The following TSHZ3 variants were observed in gnomAD, a reference collection of about 807,000 sequenced individuals.
TSHZ3 encodes teashirt homolog 3.
In TSHZ3, 10 loss-of-function variants were observed where a neutral mutation model predicts 64.5. The ratio of observed to expected loss-of-function variants is 0.16; its 90% CI spans 0.10 to 0.26. TSHZ3 has a LOEUF of 0.26. Among genes scored for constraint, TSHZ3 ranks in the 10% least tolerant of loss-of-function variants. TSHZ3 has a pLI of 1.00. For synonymous variants in TSHZ3, 608 were observed against 593.1 expected, an observed-to-expected ratio of 1.03 and a Z score of -0.36; for missense variants, 1,242 against 1,421.7, an observed-to-expected ratio of 0.87 and a Z score of 2.03.
At chr19:31,334,327 A>G (rs1917180379) in intron 1 of TSHZ3, among the ~76,000 whole-genome samples, 1 of 152,222 alleles carries the variant, frequency 6.6e-6, no homozygotes, top group Non-Finnish European at 1.5e-5. Flanking sequence ...AAGGCAAGAA[A>G]TGGAATGGGA....
intron 5 of TSHZ3, among the ~76,000 whole-genome samples, chr19:31,199,180 C>T (rs1052194422): frequency 4.6e-5 from 7 of 151,998 alleles, no homozygotes; most frequent in African/African-American, 1.4e-4. Flanking sequence ...CCGAGGCAGG[C>T]GGATCACAAG....
intron 4 of TSHZ3, among the ~76,000 whole-genome samples, chr19:31,225,169 C>T (rs906993392): frequency 6.6e-6 from 1 of 152,208 alleles, no homozygotes; most frequent in African/African-American, 2.4e-5. Context: ...AGAAGTGAGG[C>T]CATGTTACTT....
At chr19:31,175,249 T>C (rs1490004462) in intron 5 of TSHZ3, among the ~76,000 whole-genome samples, 2 of 152,182 alleles carry the variant, frequency 1.3e-5, no homozygotes, top group Non-Finnish European at 2.9e-5. Context: ...GCTTTCCTGT[T>C]GGCACATACG....
chr19:31,189,739 C>T (rs941813392), intron 5 of TSHZ3, among the ~76,000 whole-genome samples: 2 of 152,046 alleles, frequency 1.3e-5, no homozygotes, highest in Non-Finnish European at 2.9e-5. Context: ...TAAATGTCAA[C>T]TAGGCCAAGT....
At chr19:31,226,509 T>G (rs1458023760) in intron 4 of TSHZ3, among the ~76,000 whole-genome samples, 1 of 152,226 alleles carries the variant, frequency 6.6e-6, no homozygotes, top group East Asian at 1.9e-4. Flanking sequence ...CCCAGCCACA[T>G]GGAACTGTGA....
At chr19:31,350,433 C>CG (rs1394128614), upstream of TSHZ3, among the ~76,000 whole-genome samples, 1 of 151,410 alleles carries the variant, frequency 6.6e-6, no homozygotes, top group Admixed American at 6.5e-5. Flanking sequence ...CCCCGGGAGC[C>CG]GGGCCGCGCC....
chr19:31,208,550 C>A (rs1975217369), intron 4 of TSHZ3, among the ~76,000 whole-genome samples: 1 of 152,226 alleles, frequency 6.6e-6, no homozygotes, highest in African/African-American at 2.4e-5. Context: ...ATCCACTGTA[C>A]ACTTGAGCTT....
chr19:31,329,692 A>C (rs1017788398), intron 1 of TSHZ3, among the ~76,000 whole-genome samples: 7 of 152,230 alleles, frequency 4.6e-5, no homozygotes, highest in Admixed American at 2.6e-4. Context: ...TTATGGTGTC[A>C]AAGCTAAACC....
chr19:31,313,524 C>T (rs1298560923), intron 1 of TSHZ3, among the ~76,000 whole-genome samples: 1 of 152,208 alleles, frequency 6.6e-6, no homozygotes, highest in Non-Finnish European at 1.5e-5. Context: ...GCTCCTGGCA[C>T]TGCGTACCAC....
chr19:31,151,348 G>GA (rs1055072775), exon 7 of TSHZ3, among the ~76,000 whole-genome samples: 7 of 150,876 alleles, frequency 4.6e-5, no homozygotes, highest in East Asian at 1.9e-4. Context: ...ACAATATCCA[G>GA]AAAAAAAAAT....
intron 4 of TSHZ3, among the ~76,000 whole-genome samples, chr19:31,225,007 C>CT (rs1465455200): frequency 6.6e-6 from 1 of 152,220 alleles, no homozygotes; most frequent in Non-Finnish European, 1.5e-5. Context: ...CTTCTGAACA[C>CT]TGCAATGTGC....
chr19:31,273,942 T>G (rs972811886), downstream of TSHZ3, among the ~76,000 whole-genome samples: 2 of 152,148 alleles, frequency 1.3e-5, no homozygotes, highest in Non-Finnish European at 2.9e-5. Context: ...CACTCTCTAT[T>G]TGCCAAACAA....
chr19:31,257,243 C>T (rs959861242), intron 1 of TSHZ3, among the ~76,000 whole-genome samples: 4 of 152,128 alleles, frequency 2.6e-5, no homozygotes, highest in South Asian at 4.1e-4. Context: ...CAGGACGGTG[C>T]CGTGGGGAAC....
At chr19:31,151,617 T>A (rs996407486) in exon 7 of TSHZ3, among the ~76,000 whole-genome samples, 6 of 152,188 alleles carry the variant, frequency 3.9e-5, no homozygotes, top group Admixed American at 1.3e-4. Flanking sequence ...GATCCCAGCA[T>A]CCCCCTTTGC....
intron 1 of TSHZ3, among the ~76,000 whole-genome samples, chr19:31,321,196 C>A (rs1473178334): frequency 2.0e-5 from 3 of 152,150 alleles, no homozygotes; most frequent in Non-Finnish European, 4.4e-5. Context: ...TCCTTAATGT[C>A]TAAGTTCATC....
chr19:31,244,133 T>G (rs1314838106), intron 1 of TSHZ3, among the ~76,000 whole-genome samples: 1 of 152,192 alleles, frequency 6.6e-6, no homozygotes, highest in Non-Finnish European at 1.5e-5. Flanking sequence ...TTTGCATCTG[T>G]GTCTGCACCC....
At chr19:31,262,044 G>A (rs897585965) in intron 1 of TSHZ3, among the ~76,000 whole-genome samples, 1 of 152,114 alleles carries the variant, frequency 6.6e-6, no homozygotes, top group African/African-American at 2.4e-5. Flanking sequence ...CTCTAGCTTG[G>A]AGCCTCAGTC....
At chr19:31,259,911 C>G (rs1472368) in intron 1 of TSHZ3, among the ~76,000 whole-genome samples, 1 of 152,200 alleles carries the variant, frequency 6.6e-6, no homozygotes, top group South Asian at 2.1e-4. Context: ...TCCCAGGTCT[C>G]TTGTGGGACC....
At chr19:31,210,211 T>C (rs564512024) in intron 4 of TSHZ3, among the ~76,000 whole-genome samples, 2 of 152,132 alleles carry the variant, frequency 1.3e-5, no homozygotes, top group East Asian at 3.9e-4. Context: ...GCTTGGCCTA[T>C]AGAGGCACAG....
Sources: allele counts gnomAD v4.1 joint callset (sites outside exome capture counted in the v4.1 genomes callset), GRCh38; gene constraint gnomAD v4.1.1; transcripts MANE v1.5; gene names NCBI Gene and HGNC (gene_info 2026-07-23, HGNC 2026-07-21).